The following SRRM4 variants were observed in gnomAD, a reference collection of about 807,000 sequenced individuals.
The protein encoded by SRRM4 is serine/arginine repetitive matrix protein 4.
SRRM4 carries 33 observed loss-of-function variants against 68.9 expected under a neutral mutation model. That is an observed-to-expected ratio of 0.48 (90% confidence interval 0.36 to 0.64). The LOEUF (loss-of-function observed/expected upper bound fraction) is 0.64. Ranked by LOEUF, SRRM4 falls within the 30% of genes least tolerant of loss-of-function variation. SRRM4 has a pLI of 0.00. For missense variants in SRRM4, 817 were observed against 827.1 expected (o/e 0.99, Z 0.15); for synonymous variants, 318 against 318.8 (o/e 1.00, Z 0.03).
chr12:119,082,389 G>A (rs1953954367), intron 1 of SRRM4, among the ~76,000 whole-genome samples: 1 of 152,160 alleles, frequency 6.6e-6, no homozygotes, highest in South Asian at 2.1e-4. Context: ...GGAAAATGTG[G>A]ACCTGTAGGG....
In SRRM4 at chr12:119,151,157, G is replaced by A. The variant is rs2723880; in HGVS notation, c.1217G>A (p.Arg406Gln). ...ACCCGATCCTCCAGTCACTCGTCCCGATCCCCAAATCCCAGGGCTTCCCCC... is the reference window on the plus strand; with the variant it reads ...ACCCGATCCTCCAGTCACTCGTCCCAATCCCCAAATCCCAGGGCTTCCCCC... ...ASTRSSSHSS[R>Q]SPNPRASPRY... The change falls in exon 10 of 13, where the codon CGA becomes CAA. Residue 406 changes from arginine (R) to glutamine (Q), a missense_variant. Coordinates refer to ENST00000267260, the MANE Select transcript of SRRM4 (RefSeq NM_194286.4). The A allele has an allele frequency of 0.36, 582,291 of 1,613,348 alleles. 109,515 individuals are homozygous for A. Among genetic ancestry groups the A allele is most frequent in the Non-Finnish European group, 0.39 (456,930 of 1,179,532 alleles).
intron 1 of SRRM4, chr12:119,031,157 T>C (rs527260465): frequency 6.6e-6 from 1 of 152,356 alleles, no homozygotes; most frequent in East Asian, 1.9e-4. Context: ...GCACTGGGTC[T>C]CATCTGAAGA....
At chr12:119,124,304 A>C (rs910824682) in intron 6 of SRRM4, 1 of 152,222 alleles carries the variant, frequency 6.6e-6, no homozygotes, top group Non-Finnish European at 1.5e-5. Context: ...AGGGCAGAAG[A>C]AGACAAGCAG....
At chr12:118,987,647 T>C (rs917720485) in intron 1 of SRRM4, among the ~76,000 whole-genome samples, 51 of 152,192 alleles carry the variant, frequency 3.4e-4, no homozygotes, top group Admixed American at 1.9e-3. Flanking sequence ...TAATAGCAGC[T>C]CCCTCCAAGA....
intron 1 of SRRM4, among the ~76,000 whole-genome samples, chr12:119,095,847 C>T (rs1170044030): frequency 6.6e-6 from 1 of 150,668 alleles, no homozygotes; most frequent in Non-Finnish European, 1.5e-5. Context: ...GTAATCCCAG[C>T]TACTCAGGAA....
At chr12:119,142,106 TG>T (rs1269977894) in intron 8 of SRRM4, among the ~76,000 whole-genome samples, 2 of 152,088 alleles carry the variant, frequency 1.3e-5, no homozygotes, top group African/African-American at 4.8e-5. Context: ...GCTTAGGCTG[TG>T]GGGGCCAGGG....
At chr12:119,075,605 A>G (rs896579765) in intron 1 of SRRM4, among the ~76,000 whole-genome samples, 10 of 150,836 alleles carry the variant, frequency 6.6e-5, no homozygotes, top group African/African-American at 2.2e-4. Flanking sequence ...GATGATGTTG[A>G]TGATGGTGGT....
chr12:119,134,382 TAA>T (rs55867545), intron 8 of SRRM4, among the ~76,000 whole-genome samples: 71 of 116,366 alleles, frequency 6.1e-4, no homozygotes, highest in Admixed American at 5.6e-4. Context: ...AGAGAGATTG[TAA>T]AAAAAAAAAA....
intron 1 of SRRM4, among the ~76,000 whole-genome samples, chr12:119,015,433 A>G (rs1202001501): frequency 6.6e-6 from 1 of 152,114 alleles, no homozygotes; most frequent in Non-Finnish European, 1.5e-5. Flanking sequence ...CCAGTTCCAT[A>G]TCACTCCTCT....
intron 9 of SRRM4, among the ~76,000 whole-genome samples, chr12:119,147,065 TCCTTCA>T (rs1954407749): frequency 6.6e-6 from 1 of 152,170 alleles, no homozygotes; most frequent in South Asian, 2.1e-4. Flanking sequence ...AACCAGAATA[TCCTTCA>T]GTACGTGAAT....
intron 1 of SRRM4, among the ~76,000 whole-genome samples, chr12:119,037,418 G>A (rs1472580854): frequency 2.0e-5 from 3 of 152,116 alleles, no homozygotes; most frequent in African/African-American, 7.2e-5. Context: ...GGTGTCACCG[G>A]CCCTTCAGAA....
At chr12:119,107,452 A>C (rs1348920601) in intron 2 of SRRM4, among the ~76,000 whole-genome samples, 1 of 152,060 alleles carries the variant, frequency 6.6e-6, no homozygotes, top group Non-Finnish European at 1.5e-5. Flanking sequence ...CTGGTCCTGG[A>C]CTTTTTTTGG....
At chr12:119,084,987 G>C (rs1009484550) in intron 1 of SRRM4, among the ~76,000 whole-genome samples, 3 of 152,134 alleles carry the variant, frequency 2.0e-5, no homozygotes, top group Admixed American at 1.3e-4. Flanking sequence ...TGCAACCTTC[G>C]CCTCCTGGGT....
intron 8 of SRRM4, among the ~76,000 whole-genome samples, chr12:119,138,835 A>G (rs1954346791): frequency 6.6e-6 from 1 of 152,150 alleles, no homozygotes; most frequent in Admixed American, 6.6e-5. Context: ...TTTTCATGCC[A>G]TACCCCGAAA....
intron 6 of SRRM4, 55 bp from the exon 7 acceptor site, chr12:119,125,326 C>T (rs1024269362): frequency 4.0e-6 from 6 of 1,498,704 alleles, no homozygotes; most frequent in South Asian, 2.3e-5. Flanking sequence ...TCTCACTCTC[C>T]CTTTTTTACT....
chr12:118,988,315 C>G (rs575416298), intron 1 of SRRM4, among the ~76,000 whole-genome samples: 20 of 152,186 alleles, frequency 1.3e-4, no homozygotes, highest in Non-Finnish European at 2.8e-4. Context: ...TCTCAAATAC[C>G]ATTTCTTTTA....
Position 119,073,004 on chromosome 12 carries a change from A to G in SRRM4, c.132-29232A>G, listed in dbSNP as rs558804738. On this transcript the variant is annotated intron_variant, in intron 1 of 12. Transcript: ENST00000267260. ...CTCCAAAAGAGAACAGAGAAATGAGATAGGACGAACAGCTAACAGCCAAGT... is the reference window on the plus strand; with the variant it reads ...CTCCAAAAGAGAACAGAGAAATGAGGTAGGACGAACAGCTAACAGCCAAGT... 6.6e-5 allele frequency among the ~76,000 whole-genome samples: 10 copies of G among 152,290 alleles called. No homozygotes were observed. In the East Asian group the frequency reaches 1.7e-3, roughly 26 times the overall value.
At chr12:119,139,870 C>T (rs537499958) in intron 8 of SRRM4, among the ~76,000 whole-genome samples, 85 of 151,302 alleles carry the variant, frequency 5.6e-4, no homozygotes, top group African/African-American at 2.0e-3. Flanking sequence ...TAAGGAGCAC[C>T]TTTTTTTTTC....
At chr12:119,082,673 G>A (rs1953956337) in intron 1 of SRRM4, among the ~76,000 whole-genome samples, 1 of 152,180 alleles carries the variant, frequency 6.6e-6, no homozygotes, top group Non-Finnish European at 1.5e-5. Context: ...TCCTCATCCT[G>A]GAGCCAGCCC....
Sources: allele counts gnomAD v4.1 joint callset (sites outside exome capture counted in the v4.1 genomes callset), GRCh38; gene constraint gnomAD v4.1.1; transcripts MANE v1.5; gene names NCBI Gene and HGNC (gene_info 2026-07-23, HGNC 2026-07-21).